CHIC2: variants seen among roughly 807,000 people sequenced by gnomAD.
CHIC2 encodes cysteine-rich hydrophobic domain-containing protein 2.
In CHIC2, 14 loss-of-function variants were observed where a neutral mutation model predicts 25.9. The ratio of observed to expected loss-of-function variants is 0.54; its 90% CI spans 0.36 to 0.85. CHIC2 has a LOEUF of 0.85. Ranked by LOEUF, CHIC2 falls within the 40% of genes least tolerant of loss-of-function variation. The pLI is 0.01. For missense variants in CHIC2, 146 were observed against 202.0 expected, an observed-to-expected ratio of 0.72 and a Z score of 1.68; for synonymous variants, 70 against 72.0, an observed-to-expected ratio of 0.97 and a Z score of 0.14.
intron 4 of CHIC2, 33 bp downstream of exon 4, chr4:54,014,030 C>G (rs963973734): frequency 1.9e-6 from 3 of 1,609,462 alleles, no homozygotes; most frequent in Non-Finnish European, 2.6e-6. Context: ...ATTCAGACCC[C>G]AACAGTACGA....
chr4:54,041,740 A>G (rs1343161883), intron 3 of CHIC2, among the ~76,000 whole-genome samples: 1 of 152,172 alleles, frequency 6.6e-6, no homozygotes, highest in Non-Finnish European at 1.5e-5. Context: ...ATTTTTAAAT[A>G]TATGTAAAGC....
chr4:54,013,776 A>G (rs1715660606), intron 5 of CHIC2, 61 bp downstream of exon 5: 1 of 1,527,630 alleles, frequency 6.5e-7, no homozygotes, highest in East Asian at 2.2e-5. Context: ...AAAGAATAAG[A>G]TCAGAAGCAA....
chr4:54,065,341 ACT>A (rs1705663714), upstream of CHIC2: 1 of 984,252 alleles, frequency 1.0e-6, no homozygotes, highest in Non-Finnish European at 1.2e-6. Context: ...TCTTGCCCCA[ACT>A]CTCTCACCAA....
chr4:54,067,740 A>T (rs1717544914), upstream of CHIC2, among the ~76,000 whole-genome samples: 1 of 152,184 alleles, frequency 6.6e-6, no homozygotes. Flanking sequence ...TTTTAAGGCA[A>T]ATATTGCTTA....
intron 5 of CHIC2, among the ~76,000 whole-genome samples, chr4:54,011,845 T>A (rs952009862): frequency 6.6e-6 from 1 of 151,896 alleles, no homozygotes; most frequent in Non-Finnish European, 1.5e-5. Context: ...ATATATTTTT[T>A]AGTATCTCCA....
intron 1 of CHIC2, among the ~76,000 whole-genome samples, chr4:54,050,875 T>C (rs1267131900): frequency 6.6e-6 from 1 of 152,026 alleles, no homozygotes. Context: ...ACCACATACT[T>C]GTATATATCT....
chr4:54,056,891 T>G lies in CHIC2; in HGVS notation c.119+7291A>C, dbSNP rs145972076. Among the ~76,000 whole-genome samples the G allele has an allele frequency of 5.9e-3, 902 of 152,240 alleles. 3 individuals are homozygous for G. Among genetic ancestry groups the G allele is most frequent in the Non-Finnish European group, 0.01 (714 of 68,012 alleles). ...ACCTTACAGCTAAAGGATATCACAT[T>G]TACGAGGGTTCCCACTTCAAAATCT... On this transcript the variant is annotated intron_variant, in intron 1 of 5. Transcript: ENST00000263921.
intron 3 of CHIC2, among the ~76,000 whole-genome samples, chr4:54,040,538 T>C (rs1560390643): frequency 6.6e-6 from 1 of 151,808 alleles, no homozygotes; most frequent in Non-Finnish European, 1.5e-5. Flanking sequence ...CCGTCTCTAC[T>C]AAAAATACAA....
intron 1 of CHIC2, among the ~76,000 whole-genome samples, chr4:54,057,725 C>T (rs1011799589): frequency 6.6e-6 from 1 of 152,270 alleles, no homozygotes; most frequent in East Asian, 1.9e-4. Context: ...CATTAAATTA[C>T]TTATCAGGAA....
chr4:54,080,668 A>G, the CHIC2 span, among the ~76,000 whole-genome samples: 5 of 150,180 alleles, frequency 3.3e-5, no homozygotes, highest in Non-Finnish European at 7.4e-5. Flanking sequence ...TGGGAAGCTG[A>G]GGTATGAGAA....
At chr4:54,040,675 C>T (rs1716543818) in intron 3 of CHIC2, among the ~76,000 whole-genome samples, 1 of 140,286 alleles carries the variant, frequency 7.1e-6, no homozygotes. Context: ...TGCACTCCAG[C>T]CTGGGTGATA....
chr4:54,076,724 G>C, the CHIC2 span: 1 of 152,216 alleles, frequency 6.6e-6, no homozygotes, highest in East Asian at 1.9e-4. Context: ...GGGGGTTGCA[G>C]CTCTCTTAAA....
upstream of CHIC2, among the ~76,000 whole-genome samples, chr4:54,068,634 C>T (rs1717561774): frequency 6.6e-6 from 1 of 152,204 alleles, no homozygotes; most frequent in African/African-American, 2.4e-5. Context: ...TCCTATTCTC[C>T]TGCTTAACAA....
chr4:54,082,765 G>T, the CHIC2 span, among the ~76,000 whole-genome samples: 88 of 152,204 alleles, frequency 5.8e-4, no homozygotes, highest in African/African-American at 2.0e-3. Flanking sequence ...CTCACCAAAA[G>T]ATTATACAAG....
At chr4:54,064,684 GGCGCGTGCGTGGGCGCGTGGGCGA>G, upstream of CHIC2, 1 of 1,021,442 alleles carries the variant, frequency 9.8e-7, no homozygotes, top group Non-Finnish European at 1.2e-6. This position sits in a 1 kb window ranked among gnomAD's most constrained non-coding sequence, Gnocchi z 4.2. Flanking sequence ...CGGGCGGGCG[GGCGCGTGCGTGGGCGCGTGGGCGA>G]GCGGACTGGC....
chr4:54,020,377 GAACTAATGAT>G (rs780022612), intron 3 of CHIC2, among the ~76,000 whole-genome samples: 6 of 152,130 alleles, frequency 3.9e-5, no homozygotes, highest in Non-Finnish European at 4.4e-5. Context: ...AAACCTGTAA[GAACTAATGAT>G]AATCCCACCA....
chr4:54,081,788 C>T, the CHIC2 span, among the ~76,000 whole-genome samples: 1 of 152,112 alleles, frequency 6.6e-6, no homozygotes, highest in African/African-American at 2.4e-5. Context: ...TCTCGAACTC[C>T]TGGTCTTAAG....
At chr4:54,032,036 CAT>C (rs1716243926) in intron 3 of CHIC2, among the ~76,000 whole-genome samples, 1 of 152,114 alleles carries the variant, frequency 6.6e-6, no homozygotes, top group Non-Finnish European at 1.5e-5. Flanking sequence ...CTAGCCACCA[CAT>C]GTTACAGGCC....
chr4:54,037,195 A>G (rs940531629), intron 3 of CHIC2, among the ~76,000 whole-genome samples: 4 of 151,936 alleles, frequency 2.6e-5, no homozygotes, highest in African/African-American at 9.7e-5. Context: ...CCAAAAATAC[A>G]AAAATTAGCC....
Sources: allele counts gnomAD v4.1 joint callset (sites outside exome capture counted in the v4.1 genomes callset), GRCh38; gene constraint gnomAD v4.1.1; non-coding constraint Gnocchi (gnomAD v3.1); transcripts MANE v1.5; gene names NCBI Gene and HGNC (gene_info 2026-07-23, HGNC 2026-07-21).